Variants in CD44 observed in about 807,000 individuals in gnomAD.
CD44 encodes the protein CD44 antigen.
In CD44, 49 loss-of-function variants were observed where a neutral mutation model predicts 88.8. The observed-to-expected ratio is 0.55, with a 90% CI of 0.44 to 0.70. The LOEUF (loss-of-function observed/expected upper bound fraction) is 0.70. CD44 is among the 30% of genes least tolerant of loss of function. The pLI, the probability that CD44 is intolerant of heterozygous loss-of-function variation, is 0.00. For synonymous variants in CD44, 325 were observed against 312.3 expected (o/e 1.04, Z -0.43); for missense variants, 883 against 913.8 (o/e 0.97, Z 0.43).
chr11:35,158,927 G>A (rs930332118), intron 1 of CD44, among the ~76,000 whole-genome samples: 1 of 152,338 alleles, frequency 6.6e-6, no homozygotes, highest in Admixed American at 6.5e-5. Flanking sequence ...GCTTGTCTCA[G>A]CAGGATCAGC....
At chr11:35,220,367 G>C (rs7930549) in intron 16 of CD44, among the ~76,000 whole-genome samples, 99,848 of 151,720 alleles carry the variant, frequency 0.66, 33,377 homozygotes, top group East Asian at 0.81. Context: ...GGGCCCTCCT[G>C]TCAGTCTCCC....
chr11:35,212,735 A>T (rs958448728), intron 14 of CD44: 10 of 152,214 alleles, frequency 6.6e-5, no homozygotes, highest in African/African-American at 2.4e-4. Flanking sequence ...TTTATTAAAA[A>T]TTCCAAGTAC....
At chr11:35,208,879 C>T (rs1462935057) in intron 12 of CD44, among the ~76,000 whole-genome samples, 2 of 152,242 alleles carry the variant, frequency 1.3e-5, no homozygotes, top group East Asian at 1.9e-4. Context: ...TAAGAAGGTC[C>T]CATTTTACTG....
chr11:35,200,006 C>G (rs113763430), intron 7 of CD44, among the ~76,000 whole-genome samples: 2 of 52,292 alleles, frequency 3.8e-5, no homozygotes, highest in Non-Finnish European at 7.9e-5. Context: ...TTCTGCTTTT[C>G]TTTTTTTTTC....
rs1391621765 is a variant in CD44, at chr11:35,231,422, A to G, written c.*2089A>G. Reference sequence around the variant, plus strand: ...AGTGATACAAGTCTCATAGCCAGAGATGGTTTTCCACTCCTTCTAGATATT... The same window carrying G: ...AGTGATACAAGTCTCATAGCCAGAGGTGGTTTTCCACTCCTTCTAGATATT... On this transcript the variant is annotated 3_prime_UTR_variant, in exon 18 of 18. Transcript: ENST00000428726. The G allele has an allele frequency of 6.6e-6, 1 of 152,186 alleles. No homozygotes were observed. Among genetic ancestry groups the G allele is most frequent in the East Asian group, 1.9e-4 (1 of 5,192 alleles). 9.4% of individuals were successfully genotyped at this position (152,186 alleles called of 1,614,324 possible).
chr11:35,144,383 C>G (rs1247629693), intron 1 of CD44, among the ~76,000 whole-genome samples: 1 of 152,188 alleles, frequency 6.6e-6, no homozygotes, highest in Non-Finnish European at 1.5e-5. Flanking sequence ...TTTTCTGCCT[C>G]AGAGAGAAAT....
chr11:35,182,169 A>G (rs1430546354), intron 3 of CD44, among the ~76,000 whole-genome samples: 2 of 150,260 alleles, frequency 1.3e-5, no homozygotes, highest in African/African-American at 4.9e-5. Context: ...AAGGACATCA[A>G]CTTAATTATG....
intron 15 of CD44, 166 bp from the exon 16 acceptor site, chr11:35,219,150 G>T (rs1949086976): frequency 3.3e-6 from 2 of 609,802 alleles, no homozygotes; most frequent in Non-Finnish European, 5.9e-6. Context: ...CAAATGAGGT[G>T]GGGGGGAAAT....
At chr11:35,207,876 CA>C (rs1948027950) in intron 11 of CD44, among the ~76,000 whole-genome samples, 1 of 152,204 alleles carries the variant, frequency 6.6e-6, no homozygotes, top group Non-Finnish European at 1.5e-5. Context: ...CAAAAACAAA[CA>C]CACAGCATAG....
intron 2 of CD44, 102 bp from the exon 3 acceptor site, chr11:35,180,172 A>G: frequency 3.4e-6 from 4 of 1,186,234 alleles, no homozygotes; most frequent in Middle Eastern, 2.0e-4. Flanking sequence ...CTAGGGGTGA[A>G]CTGAATGAAG....
At chr11:35,177,723 G>A (rs941743716) in intron 2 of CD44, among the ~76,000 whole-genome samples, 3 of 152,216 alleles carry the variant, frequency 2.0e-5, no homozygotes, top group Non-Finnish European at 4.4e-5. Context: ...TGATGGCTGA[G>A]ACTCTTGCTG....
Position 35,218,627 on chromosome 11 carries a change from A to G in CD44, c.1874-689A>G, listed in dbSNP as rs1015951600. On this transcript the variant is annotated intron_variant, in intron 15 of 17. Transcript: ENST00000428726. ...CAGGCGTGAGCAAACTCCTTATTTT[A>G]TAGTGTTTATGTTGGCTCCTATGAT... 4.8e-4 allele frequency among the ~76,000 whole-genome samples: 73 copies of G among 151,998 alleles called. 1 individual carries two copies. The highest frequency in any genetic ancestry group is 2.0e-4 in the Admixed American group (3 of 15,268).
intron 1 of CD44, among the ~76,000 whole-genome samples, chr11:35,172,069 C>G (rs754542961): frequency 1.3e-5 from 2 of 152,094 alleles, no homozygotes; most frequent in Non-Finnish European, 2.9e-5. Context: ...CAGATGTTAT[C>G]GTTCTTTGAC....
At chr11:35,222,930 C>T in intron 17 of CD44, 1 of 985,374 alleles carries the variant, frequency 1.0e-6, no homozygotes, top group Non-Finnish European at 1.2e-6. Context: ...ATTATGGACT[C>T]CTTACTGGTT....
At chr11:35,190,223 T>C (rs1946134974) in intron 5 of CD44, 158 bp downstream of exon 5, 1 of 646,764 alleles carries the variant, frequency 1.5e-6, no homozygotes, top group African/African-American at 1.8e-5. Context: ...TGGTTGTCAG[T>C]AAACTGCCTG....
At chr11:35,152,145 T>G (rs565721531) in intron 1 of CD44, among the ~76,000 whole-genome samples, 3 of 152,350 alleles carry the variant, frequency 2.0e-5, no homozygotes, top group Non-Finnish European at 4.4e-5. Flanking sequence ...TGGAAGCTCT[T>G]CTGTGCCTCC....
At position 35,181,869 on chromosome 11, in the gene CD44, ATATATT is replaced by A. The variant is rs1321953589; in HGVS notation, c.367+1463_367+1468del. Among the ~76,000 whole-genome samples the A allele has an allele frequency of 3.3e-3, 273 of 83,660 alleles. 5 individuals carry two copies. Among genetic ancestry groups the A allele is most frequent in the African/African-American group, 0.015 (263 of 17,768 alleles). The allele number at this position is 83,660 out of a possible 152,430, so 54.9% of individuals were successfully genotyped here. ...TATATTTATATATAAATTTATATATATATATTATATATAATTCTATATATAATATAA... is the reference window on the plus strand; with the variant it reads ...TATATTTATATATAAATTTATATATAATATATAATTCTATATATAATATAA... On this transcript the variant is annotated intron_variant, in intron 3 of 17. Coordinates refer to ENST00000428726, the MANE Select transcript of CD44 (RefSeq NM_000610.4).
At chr11:35,224,280 A>G (rs2134405310) in intron 17 of CD44, among the ~76,000 whole-genome samples, 1 of 152,298 alleles carries the variant, frequency 6.6e-6, no homozygotes, top group South Asian at 2.1e-4. Context: ...CCATCATCCA[A>G]AACAGCTTTC....
chr11:35,161,595 C>G (rs887583655), intron 1 of CD44, among the ~76,000 whole-genome samples: 1 of 152,142 alleles, frequency 6.6e-6, no homozygotes, highest in Non-Finnish European at 1.5e-5. Context: ...TGGATTTTGC[C>G]TTGAATTTTT....
Sources: allele counts gnomAD v4.1 joint callset (sites outside exome capture counted in the v4.1 genomes callset), GRCh38; gene constraint gnomAD v4.1.1; transcripts MANE v1.5; gene names NCBI Gene and HGNC (gene_info 2026-07-23, HGNC 2026-07-21).